Variants in LHFPL3 observed in about 807,000 individuals in gnomAD.
The protein encoded by LHFPL3 is LHFPL tetraspan subfamily member 3.
LHFPL3 carries 5 observed loss-of-function variants against 19.3 expected under a neutral mutation model. That is an observed-to-expected ratio of 0.26 (90% CI 0.14 to 0.54). The LOEUF (loss-of-function observed/expected upper bound fraction) is 0.54, where lower values mean the gene tolerates loss of function less well. Ranked by LOEUF, LHFPL3 falls within the 20% of genes least tolerant of loss-of-function variation. LHFPL3 has a pLI of 0.94. For missense variants in LHFPL3, 249 were observed against 307.4 expected, an observed-to-expected ratio of 0.81 and a Z score of 1.42; for synonymous variants, 133 against 126.2, an observed-to-expected ratio of 1.05 and a Z score of -0.36.
At chr7:104,861,053 C>T (rs769713357) in intron 2 of LHFPL3, among the ~76,000 whole-genome samples, 5 of 152,092 alleles carry the variant, frequency 3.3e-5, no homozygotes, top group Non-Finnish European at 5.9e-5. Context: ...AAAAGTAAAA[C>T]ATAAGATAAT....
intron 1 of LHFPL3, among the ~76,000 whole-genome samples, chr7:104,396,167 A>T (rs961821037): frequency 4.6e-5 from 7 of 152,192 alleles, no homozygotes; most frequent in African/African-American, 1.7e-4. Context: ...CCACACTAAG[A>T]GGGACCAACT....
At chr7:104,423,067 AAG>A (rs68104912) in intron 1 of LHFPL3, among the ~76,000 whole-genome samples, 14,856 of 152,154 alleles carry the variant, frequency 0.098, 800 homozygotes, top group African/African-American at 0.13. Context: ...CTAGTGAGGG[AAG>A]AGAGAAAATA....
intron 1 of LHFPL3, among the ~76,000 whole-genome samples, chr7:104,432,217 A>G (rs1250874357): frequency 6.6e-6 from 1 of 152,028 alleles, no homozygotes; most frequent in Non-Finnish European, 1.5e-5. Context: ...CTCCATTTTT[A>G]TGTCAGTAGT....
chr7:104,439,365 A>G (rs1792173488), intron 1 of LHFPL3, among the ~76,000 whole-genome samples: 1 of 147,078 alleles, frequency 6.8e-6, no homozygotes, highest in Admixed American at 7.0e-5. Context: ...CTATGGGTGA[A>G]TATTCCTCAT....
At chr7:104,688,398 GA>G (rs1381909868) in intron 1 of LHFPL3, among the ~76,000 whole-genome samples, 2 of 152,164 alleles carry the variant, frequency 1.3e-5, no homozygotes, top group Non-Finnish European at 1.5e-5. Context: ...CAATGAAAGG[GA>G]AATGCTCAGT....
At chr7:104,617,844 G>T (rs1411184480) in intron 1 of LHFPL3, among the ~76,000 whole-genome samples, 5 of 152,138 alleles carry the variant, frequency 3.3e-5, no homozygotes, top group Non-Finnish European at 5.9e-5. Context: ...GAGAAAATCT[G>T]CAATCTATAT....
At chr7:104,814,382 TG>T (rs1421334784) in intron 2 of LHFPL3, among the ~76,000 whole-genome samples, 1 of 151,804 alleles carries the variant, frequency 6.6e-6, no homozygotes, top group East Asian at 1.9e-4. Context: ...GGCCCTGGAG[TG>T]GGTTGCTCCT....
intron 1 of LHFPL3, among the ~76,000 whole-genome samples, chr7:104,676,464 A>G (rs1314358141): frequency 1.2e-4 from 18 of 152,228 alleles, no homozygotes; most frequent in Non-Finnish European, 2.6e-4. Flanking sequence ...TAAGCATACA[A>G]TCAGATGTAA....
intron 1 of LHFPL3, among the ~76,000 whole-genome samples, chr7:104,444,701 T>C (rs1792293827): frequency 6.6e-6 from 1 of 152,076 alleles, no homozygotes; most frequent in African/African-American, 2.4e-5. Context: ...TAAAGGAATA[T>C]TTATAGGCTG....
chr7:104,614,690 T>C (rs1354411916), intron 1 of LHFPL3, among the ~76,000 whole-genome samples: 4 of 118,932 alleles, frequency 3.4e-5, no homozygotes, highest in Non-Finnish European at 7.1e-5. Flanking sequence ...CTTCTTTCTT[T>C]CTTTCTTTCT....
At chr7:104,610,896 C>A (rs775474970) in intron 1 of LHFPL3, among the ~76,000 whole-genome samples, 1 of 152,222 alleles carries the variant, frequency 6.6e-6, no homozygotes, top group African/African-American at 2.4e-5. Flanking sequence ...AAGCTACTCT[C>A]TCAAACACAC....
intron 1 of LHFPL3, among the ~76,000 whole-genome samples, chr7:104,642,308 G>A (rs955714655): frequency 3.3e-5 from 5 of 152,020 alleles, no homozygotes; most frequent in African/African-American, 4.8e-5. Context: ...AGGTACAGTC[G>A]TGAGCCACCG....
intron 2 of LHFPL3, among the ~76,000 whole-genome samples, chr7:104,836,200 T>C (rs1791092470): frequency 6.6e-6 from 1 of 152,158 alleles, no homozygotes; most frequent in East Asian, 1.9e-4. Context: ...GGAGCCCAGA[T>C]TGACTGGTTG....
At chr7:104,501,876 T>C (rs866510043) in intron 1 of LHFPL3, among the ~76,000 whole-genome samples, 67 of 152,350 alleles carry the variant, frequency 4.4e-4, no homozygotes, top group African/African-American at 1.5e-3. Context: ...GATTTGGTGA[T>C]TGTTGTCTGT....
At chr7:104,460,025 G>A (rs1319809002) in intron 1 of LHFPL3, among the ~76,000 whole-genome samples, 7 of 151,998 alleles carry the variant, frequency 4.6e-5, no homozygotes, top group Non-Finnish European at 1.0e-4. Context: ...CCACCCTCAA[G>A]TAGGCCCCAA....
At chr7:104,879,820 G>C (rs989802716) in intron 2 of LHFPL3, among the ~76,000 whole-genome samples, 1 of 152,232 alleles carries the variant, frequency 6.6e-6, no homozygotes, top group Non-Finnish European at 1.5e-5. Flanking sequence ...ACAGATTTTC[G>C]TGTAGACAAA....
intron 1 of LHFPL3, among the ~76,000 whole-genome samples, chr7:104,719,379 A>ATCGAGGCAAAAAT (rs1337842877): frequency 6.6e-6 from 1 of 152,202 alleles, no homozygotes; most frequent in Non-Finnish European, 1.5e-5. Flanking sequence ...AGGCAAAAAA[A>ATCGAGGCAAAAAT]TCAAGCCAAA....
intron 1 of LHFPL3, among the ~76,000 whole-genome samples, chr7:104,368,838 A>C (rs1790550617): frequency 6.6e-6 from 1 of 152,236 alleles, no homozygotes. Context: ...TATGCCAAAC[A>C]TTGTACCAAG....
At chr7:104,793,131 G>A (rs529689087) in intron 2 of LHFPL3, among the ~76,000 whole-genome samples, 53 of 152,212 alleles carry the variant, frequency 3.5e-4, no homozygotes, top group African/African-American at 1.3e-3. Flanking sequence ...CCTGACCTCA[G>A]GTGATCTGCC....
Sources: gnomAD v4.1 joint callset for allele counts (sites outside exome capture counted in the v4.1 genomes callset) on GRCh38, gnomAD v4.1.1 for gene constraint, MANE v1.5 for transcripts, NCBI Gene and HGNC (gene_info 2026-07-23, HGNC 2026-07-21) for gene names.